Variants in OSBPL1A observed in about 807,000 individuals in gnomAD.
The protein encoded by OSBPL1A is oxysterol binding protein like 1A.
In OSBPL1A, 80 loss-of-function variants were observed where a neutral mutation model predicts 137.1. That is an observed-to-expected ratio of 0.58 (90% confidence interval 0.49 to 0.70). The LOEUF is 0.70. OSBPL1A is among the 30% of genes least tolerant of loss of function. The pLI is 0.00. For missense variants in OSBPL1A, 970 were observed against 1,129.4 expected (o/e 0.86, Z 2.02); for synonymous variants, 365 against 389.7 (o/e 0.94, Z 0.75).
intron 4 of OSBPL1A, among the ~76,000 whole-genome samples, chr18:24,345,860 T>C (rs775635505): frequency 6.6e-6 from 1 of 152,218 alleles, no homozygotes; most frequent in Non-Finnish European, 1.5e-5. Context: ...GCCTGTATTG[T>C]TTGCTCCTCT....
chr18:24,167,820 A>C (rs955227213), intron 24 of OSBPL1A, among the ~76,000 whole-genome samples: 5 of 152,242 alleles, frequency 3.3e-5, no homozygotes, highest in Non-Finnish European at 5.9e-5. Flanking sequence ...TACACTTACA[A>C]ATTGTAAATC....
chr18:24,285,459 T>C (rs2090052031), intron 14 of OSBPL1A, among the ~76,000 whole-genome samples: 2 of 152,190 alleles, frequency 1.3e-5, no homozygotes, highest in Admixed American at 6.5e-5. Flanking sequence ...TTAGGGCAGA[T>C]TGAGAAATAA....
chr18:24,173,139 A>C (rs955760448), intron 21 of OSBPL1A, among the ~76,000 whole-genome samples: 2 of 152,182 alleles, frequency 1.3e-5, no homozygotes, highest in Non-Finnish European at 2.9e-5. Flanking sequence ...TAGCAAACTA[A>C]CGCAGGAACA....
At chr18:24,390,965 C>T (rs763333937) in intron 1 of OSBPL1A, among the ~76,000 whole-genome samples, 22 of 151,038 alleles carry the variant, frequency 1.5e-4, no homozygotes, top group South Asian at 4.2e-4. Flanking sequence ...CCTGGTGTGG[C>T]GGTGCGTGCC....
intron 17 of OSBPL1A, among the ~76,000 whole-genome samples, chr18:24,204,235 A>T (rs563797545): frequency 6.6e-6 from 1 of 152,300 alleles, no homozygotes; most frequent in Admixed American, 6.5e-5. Context: ...TTTGGGTCTG[A>T]CTGCGGTAAT....
intron 3 of OSBPL1A, 51 bp downstream of exon 3, chr18:24,368,236 C>T (rs915682073): frequency 1.4e-6 from 2 of 1,396,048 alleles, no homozygotes; most frequent in Non-Finnish European, 2.0e-6. Context: ...TTAAAATTTC[C>T]ATAACAATAA....
At position 24,223,269 on chromosome 18, in the gene OSBPL1A, A is replaced by T. The variant is rs577099807; in HGVS notation, c.1601+1773T>A. On this transcript the variant is annotated intron_variant, in intron 17 of 27. Coordinates refer to ENST00000319481, the MANE Select transcript of OSBPL1A (RefSeq NM_080597.4). ...TCCTATTCTAAAATTAAACTTTTAA[A>T]TTATCTGTGGCATATGCTCTATCTA... Among the ~76,000 whole-genome samples the T allele has an allele frequency of 2.0e-4, 30 of 152,232 alleles. 1 individual carries two copies. The South Asian group carries it at 6.2e-3, about 32-fold the overall frequency.
chr18:24,251,022 C>A (rs1332189450), intron 15 of OSBPL1A, among the ~76,000 whole-genome samples: 1 of 152,120 alleles, frequency 6.6e-6, no homozygotes, highest in Non-Finnish European at 1.5e-5. Flanking sequence ...GGCTCCTGTG[C>A]CTGTGGAAAG....
intron 18 of OSBPL1A, among the ~76,000 whole-genome samples, chr18:24,189,773 A>G (rs2086839587): frequency 1.3e-5 from 2 of 152,222 alleles, no homozygotes; most frequent in African/African-American, 4.8e-5. Context: ...GTCCCGGGAT[A>G]GCTGCCTGCG....
At chr18:24,371,676 C>G (rs1905649826) in intron 2 of OSBPL1A, among the ~76,000 whole-genome samples, 1 of 152,184 alleles carries the variant, frequency 6.6e-6, no homozygotes. Flanking sequence ...ACCCCTCACC[C>G]TCCCCATTCT....
chr18:24,392,056 G>A (rs993300106), intron 1 of OSBPL1A, among the ~76,000 whole-genome samples: 1 of 151,952 alleles, frequency 6.6e-6, no homozygotes, highest in Admixed American at 6.6e-5. Context: ...GGGTTTCATC[G>A]TGTTGCCCAG....
At chr18:24,181,973 T>A (rs1166918540) in intron 18 of OSBPL1A, among the ~76,000 whole-genome samples, 1 of 152,230 alleles carries the variant, frequency 6.6e-6, no homozygotes, top group Non-Finnish European at 1.5e-5. Context: ...GTGTTAAAAC[T>A]TCAATATGTC....
chr18:24,346,743 T>G (rs912277936), intron 4 of OSBPL1A, among the ~76,000 whole-genome samples: 2 of 152,150 alleles, frequency 1.3e-5, no homozygotes, highest in Admixed American at 6.6e-5. Flanking sequence ...ACTTTTTATT[T>G]TTATTTATTT....
intron 4 of OSBPL1A, among the ~76,000 whole-genome samples, chr18:24,353,426 T>C (rs1000349804): frequency 1.3e-5 from 2 of 152,132 alleles, no homozygotes; most frequent in African/African-American, 4.8e-5. Flanking sequence ...CAACAGGTGC[T>C]GGAGAGGATG....
chr18:24,314,666 A>G (rs1265581233), intron 11 of OSBPL1A, among the ~76,000 whole-genome samples: 1 of 152,212 alleles, frequency 6.6e-6, no homozygotes, highest in Admixed American at 6.5e-5. Context: ...TAGCTACCAC[A>G]GTTCCCATTT....
intron 2 of OSBPL1A, among the ~76,000 whole-genome samples, chr18:24,376,643 G>A (rs531315382): frequency 2.8e-3 from 432 of 152,340 alleles, no homozygotes; most frequent in Non-Finnish European, 5.0e-3. Flanking sequence ...AGTGCTCATC[G>A]AGGAGGCTTG....
At chr18:24,245,221 G>T (rs1042835783) in intron 15 of OSBPL1A, among the ~76,000 whole-genome samples, 1 of 151,786 alleles carries the variant, frequency 6.6e-6, no homozygotes, top group Non-Finnish European at 1.5e-5. Flanking sequence ...TTGGCCTCCC[G>T]AGTAGTTAGA....
intron 1 of OSBPL1A, among the ~76,000 whole-genome samples, chr18:24,378,668 G>C (rs1906367754): frequency 1.3e-5 from 2 of 152,250 alleles, no homozygotes; most frequent in Non-Finnish European, 2.9e-5. Flanking sequence ...GAGATGGGCT[G>C]TATAGGCTGG....
At chr18:24,244,823 C>T (rs1274391946) in intron 15 of OSBPL1A, among the ~76,000 whole-genome samples, 1 of 152,188 alleles carries the variant, frequency 6.6e-6, no homozygotes, top group African/African-American at 2.4e-5. Context: ...CTAGAAAGTG[C>T]CCCGTTACTT....
Sources: gnomAD v4.1 joint callset for allele counts (sites outside exome capture counted in the v4.1 genomes callset) on GRCh38, gnomAD v4.1.1 for gene constraint, MANE v1.5 for transcripts, NCBI Gene and HGNC (gene_info 2026-07-23, HGNC 2026-07-21) for gene names.